The following SPON2 variants were observed in gnomAD, a reference collection of about 807,000 sequenced individuals.
SPON2 encodes spondin-2.
A neutral mutation model predicts 29.9 loss-of-function variants in SPON2; 32 were observed. The ratio of observed to expected loss-of-function variants is 1.07; its 90% CI spans 0.81 to 1.44. The LOEUF is 1.44. Among genes scored for constraint, SPON2 ranks in the 40% most tolerant of loss-of-function variants. The pLI is 0.00. For synonymous variants in SPON2, 248 were observed against 209.1 expected (o/e 1.19, Z -1.61); for missense variants, 541 against 455.5 (o/e 1.19, Z -1.71).
chr4:1,178,658 AGT>A (rs1727650478), intron 2 of SPON2, among the ~76,000 whole-genome samples: 1 of 120,212 alleles, frequency 8.3e-6, no homozygotes, highest in Non-Finnish European at 1.6e-5. Flanking sequence ...CCCCCAGAGG[AGT>A]GCCTGGTCAT....
chr4:1,194,212 C>T (rs1222323131), intron 1 of SPON2, among the ~76,000 whole-genome samples: 1 of 152,154 alleles, frequency 6.6e-6, no homozygotes, highest in East Asian at 1.9e-4. Context: ...GGCAAATGGG[C>T]TCCTCCAAGG....
In SPON2 at chr4:1,171,377, G is replaced by A. The variant is rs773700098; in HGVS notation, c.330C>T (p.Ile110=). 6.2e-7 allele frequency: 1 copy of A among 1,612,020 alleles called. No homozygotes were observed. Among genetic ancestry groups the A allele is most frequent in the Non-Finnish European group, 8.5e-7 (1 of 1,179,710 alleles). The change falls in exon 3 of 6, where the codon ATC becomes ATT. Residue 110 remains isoleucine, a synonymous_variant. Coordinates refer to ENST00000290902, the MANE Select transcript of SPON2 (RefSeq NM_012445.4). ...TCTGCAGCGCCTCCCCCGCCGCCTCGATCTCCTTCATCAGCGCCCAGGCCT... is the reference window on the plus strand; with the variant it reads ...TCTGCAGCGCCTCCCCCGCCGCCTCAATCTCCTTCATCAGCGCCCAGGCCT... ...RGEAWALMKE[I]EAAGEALQSV...
intron 1 of SPON2, among the ~76,000 whole-genome samples, chr4:1,207,562 A>C (rs952082447): frequency 6.6e-6 from 1 of 151,116 alleles, no homozygotes; most frequent in Non-Finnish European, 1.5e-5. Flanking sequence ...CCGGCTGCCT[A>C]ACCATGCGCC....
chr4:1,168,734 G>A (rs994274349), intron 5 of SPON2, among the ~76,000 whole-genome samples: 1 of 152,234 alleles, frequency 6.6e-6, no homozygotes, highest in Admixed American at 6.5e-5. Flanking sequence ...GTGAGCACTG[G>A]CAGTGCCTGT....
intron 2 of SPON2, 50 bp from the exon 3 acceptor site, chr4:1,171,536 G>C: frequency 6.4e-7 from 1 of 1,564,480 alleles, no homozygotes; most frequent in Non-Finnish European, 8.7e-7. Flanking sequence ...CACTGCGGTC[G>C]GGCTTGGATT....
intron 1 of SPON2, among the ~76,000 whole-genome samples, chr4:1,193,819 GGGT>G (rs1392052216): frequency 3.9e-5 from 3 of 76,440 alleles, no homozygotes; most frequent in Non-Finnish European, 5.0e-5. Context: ...GGACGTGGGG[GGGT>G]GGCGTGGGAA....
chr4:1,206,256 AGGACT>A lies in SPON2; in HGVS notation c.-234+1619_-234+1623del, dbSNP rs544668338. Among the ~76,000 whole-genome samples, 3 of 151,982 alleles carry A rather than the reference AGGACT, an allele frequency of 2.0e-5. No homozygotes were observed. The South Asian group carries it at 6.2e-4, about 32-fold the overall frequency. ...ACCCCAGCAGCCTCTCAGGGCACCC[AGGACT>A]GGAGAGGGCCCTGCCAAGGGTCTGC... On this transcript the variant is annotated intron_variant, in intron 1 of 3. Transcript: ENST00000509233.
chr4:1,170,207 A>G (rs1369641284), intron 5 of SPON2, 195 bp downstream of exon 5: 1 of 631,726 alleles, frequency 1.6e-6, no homozygotes, highest in African/African-American at 1.8e-5. Flanking sequence ...GATGCTTTCA[A>G]CTGCAAATAA....
rs779839474 is a variant in SPON2, at chr4:1,172,033, G to A, written c.39C>T (p.Ala13=). The A allele has an allele frequency of 3.1e-6, 5 of 1,612,560 alleles. No homozygotes were observed. In the Admixed American group the frequency reaches 8.3e-5, roughly 27 times the overall value. ...GAGTGGCCAGGAGGAGAGCGCAGAG[G>A]GCCTTGCCCAGGGCGGCGGCCGGGC... ...NPSPAAALGK[A]LCALLLATLG... is the part of the protein sequence containing the mutation. The change falls in exon 2 of 6, where the codon GCC becomes GCT. Residue 13 remains alanine (A), a synonymous_variant. Transcript: ENST00000290902.
At chr4:1,169,237 G>A (rs1727342286) in intron 5 of SPON2, among the ~76,000 whole-genome samples, 1 of 152,104 alleles carries the variant, frequency 6.6e-6, no homozygotes, top group Non-Finnish European at 1.5e-5. Flanking sequence ...TGCCCACGAG[G>A]GGCTCTTCCC....
In SPON2 at chr4:1,171,469, C is replaced by CG; in HGVS notation, c.237dup (p.Asp80ArgfsTer13). On this transcript the variant is annotated frameshift_variant, in exon 3 of 6. Coordinates refer to ENST00000290902, the MANE Select transcript of SPON2 (RefSeq NM_012445.4). LOFTEE classifies it high-confidence loss of function. ...TGGTTCTTCCTCCACATGCTGTAGTCGGAGCTATGCGCGGCCCCTGCAGGA... is the reference window on the plus strand; with the variant it reads ...TGGTTCTTCCTCCACATGCTGTAGTCGGGAGCTATGCGCGGCCCCTGCAGGA... 2 of 1,611,726 alleles carry CG rather than the reference C, an allele frequency of 1.2e-6. No individual in the cohort carries two copies. Among genetic ancestry groups the CG allele is most frequent in the Non-Finnish European group, 1.7e-6 (2 of 1,179,442 alleles).
In SPON2 at chr4:1,167,717, C is replaced by T. The variant is rs527348080; in HGVS notation, c.812-61G>A. ...CGCGTGAAGAGGCGCTTCGTACAAA[C>T]GGAAGCCACCTCCCACCAACGTGTG... On this transcript the variant is annotated intron_variant, in intron 5 of 5. Coordinates refer to ENST00000290902, the MANE Select transcript of SPON2 (RefSeq NM_012445.4). 7 of 1,506,040 alleles carry T rather than the reference C, an allele frequency of 4.6e-6. No homozygotes were observed. In the African/African-American group the frequency reaches 5.5e-5, roughly 12 times the overall value. The allele number at this position is 1,506,040 out of a possible 1,614,324, so 93.3% of individuals were successfully genotyped here.
chr4:1,181,787 G>T (rs1727705886), intron 1 of SPON2, among the ~76,000 whole-genome samples: 1 of 152,208 alleles, frequency 6.6e-6, no homozygotes, highest in Non-Finnish European at 1.5e-5. Flanking sequence ...AGATATTTGG[G>T]ATTGGTGTTC....
intron 1 of SPON2, among the ~76,000 whole-genome samples, chr4:1,187,392 A>G (rs568774638): frequency 6.6e-6 from 1 of 152,212 alleles, no homozygotes; most frequent in Non-Finnish European, 1.5e-5. Flanking sequence ...GTTGTTGTTT[A>G]ATGAGTGCAC....
chr4:1,171,591 C>G, intron 2 of SPON2, 105 bp from the exon 3 acceptor site: 1 of 1,196,290 alleles, frequency 8.4e-7, no homozygotes, highest in Non-Finnish European at 1.2e-6. Flanking sequence ...CCGCAGGGAA[C>G]CATGGCCCCC....
At chr4:1,186,201 G>A (rs1156305926) in intron 1 of SPON2, among the ~76,000 whole-genome samples, 4 of 148,152 alleles carry the variant, frequency 2.7e-5, no homozygotes, top group African/African-American at 5.0e-5. Context: ...CTGAGATCGG[G>A]CCACTATACT....
chr4:1,184,698 G>T (rs1727759789), intron 1 of SPON2, among the ~76,000 whole-genome samples: 1 of 152,096 alleles, frequency 6.6e-6, no homozygotes, highest in Non-Finnish European at 1.5e-5. Flanking sequence ...ACTTTGGGAG[G>T]CTGAGGCAGG....
intron 1 of SPON2, chr4:1,200,714 A>G (rs1043437709): frequency 1.2e-5 from 5 of 423,768 alleles, no homozygotes; most frequent in South Asian, 5.1e-5. Flanking sequence ...CTGCGTGGAC[A>G]TCGCTGGACG....
chr4:1,200,557 T>C (rs1162326995), intron 1 of SPON2: 2 of 336,186 alleles, frequency 5.9e-6, no homozygotes, highest in African/African-American at 4.3e-5. Flanking sequence ...AGGGAACGTG[T>C]AAACCATGAG....
Sources: allele counts gnomAD v4.1 joint callset (sites outside exome capture counted in the v4.1 genomes callset), GRCh38; gene constraint gnomAD v4.1.1; transcripts MANE v1.5; gene names NCBI Gene and HGNC (gene_info 2026-07-23, HGNC 2026-07-21).